AMBN: variants seen among roughly 807,000 people sequenced by gnomAD.
AMBN encodes enamel matrix protein.
A neutral mutation model predicts 48.0 loss-of-function variants in AMBN; 54 were observed. That is an observed-to-expected ratio of 1.12 (90% CI 0.90 to 1.41). The LOEUF (loss-of-function observed/expected upper bound fraction) is 1.41. Ranked by LOEUF, AMBN falls within the 40% of genes most tolerant of loss-of-function variation. AMBN has a pLI of 0.00. For missense variants in AMBN, 571 were observed against 547.3 expected (o/e 1.04, Z -0.43); for synonymous variants, 186 against 190.0 (o/e 0.98, Z 0.17).
rs755715582 is a variant in AMBN at position 70,606,463 on chromosome 4, T to C, written c.1077T>C (p.Asp359=). Residue 359 remains aspartate (D), a synonymous_variant, in exon 13 of 13, where the codon GAT becomes GAC. Transcript: ENST00000322937. ...CAGGGCTCCTTGCTCTCCCTAAGGA[T>C]GACATTCCCGGCCTGCCAAGGAGCC... ...PHAGLLALPK[D]DIPGLPRSPS... 6.2e-6 allele frequency: 10 copies of C among 1,613,902 alleles called. No individual in the cohort carries two copies. Among genetic ancestry groups the C allele is most frequent in the Admixed American group, 5.0e-5 (3 of 60,002 alleles).
intron 5 of AMBN, among the ~76,000 whole-genome samples, chr4:70,599,867 C>T (rs1479011121): frequency 6.6e-6 from 1 of 152,106 alleles, no homozygotes; most frequent in Non-Finnish European, 1.5e-5. Flanking sequence ...AAGATACAGC[C>T]TCCAAAATAT....
At chr4:70,593,587 G>A (rs912186792) in intron 2 of AMBN, among the ~76,000 whole-genome samples, 192 bp downstream of exon 2, 1 of 152,090 alleles carries the variant, frequency 6.6e-6, no homozygotes, top group Non-Finnish European at 1.5e-5. Flanking sequence ...AGTGATAGCC[G>A]GGTGCGGTGG....
chr4:70,598,466 T>A lies in AMBN; in HGVS notation c.183+63T>A. 3 of 1,305,226 alleles carry A rather than the reference T, an allele frequency of 2.3e-6. No homozygotes were observed. In the South Asian group the frequency reaches 4.8e-5, roughly 21 times the overall value. The allele number at this position is 1,305,226 out of a possible 1,614,324, so 80.9% of individuals were successfully genotyped here. A position where few individuals can be genotyped will look rare whatever the true frequency, so the allele number is the denominator to read the frequency against. ...GTAGTGTTAATATTAGCAGCAGCAT[T>A]ATAATTCATCAAATTTATTTATGAA... On this transcript the variant is annotated intron_variant, in intron 4 of 12. Transcript: ENST00000322937.
At chr4:70,595,274 T>A (rs1737362852) in intron 2 of AMBN, among the ~76,000 whole-genome samples, 1 of 143,254 alleles carries the variant, frequency 7.0e-6, no homozygotes, top group Non-Finnish European at 1.5e-5. Flanking sequence ...TGCCACCTCC[T>A]CCTTCTGGGT....
chr4:70,601,726 A>G (rs71599963), intron 6 of AMBN, 72 bp downstream of exon 6: 274,133 of 1,392,608 alleles, frequency 0.2, 31,132 homozygotes, highest in Non-Finnish European at 0.23. Flanking sequence ...TTTGCAGGGC[A>G]CTTTTAAATA....
At chr4:70,602,898 G>A in intron 8 of AMBN, 62 bp downstream of exon 8, 3 of 1,519,982 alleles carry the variant, frequency 2.0e-6, no homozygotes, top group Non-Finnish European at 1.8e-6. Context: ...TGTTCACTTT[G>A]TCTATCTTTT....
At chr4:70,595,291 G>A (rs1278414502) in intron 2 of AMBN, among the ~76,000 whole-genome samples, 2 of 149,506 alleles carry the variant, frequency 1.3e-5, no homozygotes, top group African/African-American at 4.9e-5. Flanking sequence ...GGGTTCAAGC[G>A]ATTCTCCTGC....
intron 2 of AMBN, among the ~76,000 whole-genome samples, chr4:70,594,390 A>G (rs902807877): frequency 1.3e-5 from 2 of 152,330 alleles, no homozygotes; most frequent in South Asian, 2.1e-4. Context: ...TGCTATATGC[A>G]TTTAGCAAAT....
chr4:70,598,337 C>A lies in AMBN; in HGVS notation c.136-19C>A. On this transcript the variant is annotated intron_variant, in intron 3 of 12. Coordinates refer to ENST00000322937, the MANE Select transcript of AMBN (RefSeq NM_016519.6). ...ACAGCATATGCGATAAACAGTAACC[C>A]ACTTTTTTTTCTTGATAGACAATGA... The A allele has an allele frequency of 6.4e-7, 1 of 1,552,818 alleles. No individual in the cohort carries two copies. Among genetic ancestry groups the A allele is most frequent in the South Asian group, 1.3e-5 (1 of 79,726 alleles).
At chr4:70,593,069 G>C (rs562460540) in intron 1 of AMBN, among the ~76,000 whole-genome samples, 1 of 152,160 alleles carries the variant, frequency 6.6e-6, no homozygotes, top group African/African-American at 2.4e-5. Context: ...GATGGAGGTT[G>C]TTCCTACATA....
intron 5 of AMBN, 67 bp from the exon 6 acceptor site, chr4:70,601,351 A>G (rs1234221324): frequency 1.3e-6 from 2 of 1,524,910 alleles, no homozygotes; most frequent in African/African-American, 1.4e-5. Flanking sequence ...CCCTTTGTTT[A>G]GAAATTCTAG....
chr4:70,597,052 A>G lies in AMBN; in HGVS notation c.135+3A>G. 2 of 1,611,562 alleles carry G rather than the reference A, an allele frequency of 1.2e-6. No homozygotes were observed. The highest frequency in any genetic ancestry group is 1.7e-6 in the Non-Finnish European group (2 of 1,178,030). On this transcript the variant is annotated splice_donor_region_variant and intron_variant, in intron 3 of 12. Coordinates refer to ENST00000322937, the MANE Select transcript of AMBN (RefSeq NM_016519.6). ...GTATGGCTAGTTTGAGCCTTGAGGT[A>G]TGTATTGTCAGAATTTTTAACATAT...
At chr4:70,592,887 T>C (rs1217041293) in intron 1 of AMBN, among the ~76,000 whole-genome samples, 1 of 152,234 alleles carries the variant, frequency 6.6e-6, no homozygotes, top group African/African-American at 2.4e-5. Flanking sequence ...AGGTTTGTTA[T>C]AAAATGACTT....
Position 70,606,283 on chromosome 4 carries a change from C to A in AMBN, c.897C>A (p.Gly299=). The change falls in exon 13 of 13, where the codon GGC becomes GGA. Residue 299 remains glycine, a synonymous_variant. Transcript: ENST00000322937. ...GAATGCCCCACAACCCAGCTATGGG[C>A]GGTGACTTCACTCTGGAATTTGACT... ...FEGMPHNPAM[G]GDFTLEFDSP... is the part of the protein sequence containing the mutation. 1 of 1,614,100 alleles carries A rather than the reference C, an allele frequency of 6.2e-7. No homozygotes were observed. Among genetic ancestry groups the A allele is most frequent in the Non-Finnish European group, 8.5e-7 (1 of 1,179,978 alleles).
chr4:70,601,488 G>T lies in AMBN; in HGVS notation c.365G>T (p.Gly122Val). ...CCATCCTTGAAGCCTCAACAGCCAGGACTGAAACCTTTTCTCCAGTCTGCT... is the reference window on the plus strand; with the variant it reads ...CCATCCTTGAAGCCTCAACAGCCAGTACTGAAACCTTTTCTCCAGTCTGCT... Reference protein sequence around the residue: ...SQPSLKPQQPGLKPFLQSAAA... With the variant: ...SQPSLKPQQPVLKPFLQSAAA... Residue 122 changes from glycine to valine, a missense_variant, in exon 6 of 13, where the codon GGA becomes GTA. By Grantham distance (109) the Gly-to-Val change is moderately radical (BLOSUM62 -3). Transcript: ENST00000322937. 6.2e-7 allele frequency: 1 copy of T among 1,614,158 alleles called. No individual in the cohort carries two copies.
rs539004255 is a variant in AMBN, at chr4:70,602,937, TTGAC to T, written c.610-31_610-28del. On this transcript the variant is annotated intron_variant, in intron 8 of 12. Transcript: ENST00000322937. Reference sequence around the variant, plus strand: ...TGCATTTATCTATTTTGTTCCTTTTTTGACTGATAATTTTAATATTTATCTGTAA... The same window carrying T: ...TGCATTTATCTATTTTGTTCCTTTTTTGATAATTTTAATATTTATCTGTAA... 932 of 1,568,126 alleles carry T rather than the reference TTGAC, an allele frequency of 5.9e-4. 11 individuals carry two copies. In the South Asian group the frequency reaches 0.01, roughly 17 times the overall value.
intron 5 of AMBN, among the ~76,000 whole-genome samples, chr4:70,600,340 C>A (rs77018163): frequency 6.7e-6 from 1 of 149,842 alleles, no homozygotes; most frequent in South Asian, 2.1e-4. Context: ...AAAAAAAAAA[C>A]ATCATGAACC....
At chr4:70,592,575 T>C (rs953844969) in intron 1 of AMBN, among the ~76,000 whole-genome samples, 2 of 128,700 alleles carry the variant, frequency 1.6e-5, no homozygotes, top group Admixed American at 7.8e-5. Flanking sequence ...TATTTATAGA[T>C]TGTGTTTTTT....
chr4:70,604,559 A>G (rs1410247630), intron 12 of AMBN, among the ~76,000 whole-genome samples: 1 of 152,236 alleles, frequency 6.6e-6, no homozygotes, highest in East Asian at 1.9e-4. Flanking sequence ...GAATTAACAA[A>G]TCACTGTCAA....
Sources: gnomAD v4.1 joint callset for allele counts (sites outside exome capture counted in the v4.1 genomes callset) on GRCh38, gnomAD v4.1.1 for gene constraint, MANE v1.5 for transcripts, NCBI Gene and HGNC (gene_info 2026-07-23, HGNC 2026-07-21) for gene names.